Variants in KANK1 observed in about 807,000 individuals in gnomAD.
The protein encoded by KANK1 is KN motif and ankyrin repeat domains 1.
A neutral mutation model predicts 106.2 loss-of-function variants in KANK1; 109 were observed. The ratio of observed to expected loss-of-function variants is 1.03; its 90% CI spans 0.88 to 1.20. KANK1 has a LOEUF of 1.20. KANK1 is among the 50% of genes most tolerant of loss of function. The pLI is 0.00. For synonymous variants in KANK1, 873 were observed against 652.2 expected, an observed-to-expected ratio of 1.34 and a Z score of -5.16; for missense variants, 2,399 against 1,710.7, an observed-to-expected ratio of 1.40 and a Z score of -7.10.
chr9:744,369 G>C, intron 10 of KANK1, 122 bp from the exon 11 acceptor site: 1 of 1,156,182 alleles, frequency 8.6e-7, no homozygotes, highest in Non-Finnish European at 1.2e-6. Context: ...CCAGAAGACC[G>C]AACGAGTAGG....
intron 1 of KANK1, among the ~76,000 whole-genome samples, chr9:556,885 A>G (rs527996258): frequency 6.6e-6 from 1 of 152,310 alleles, no homozygotes. Context: ...CTCAGTAATG[A>G]CATGCAGTAT....
chr9:575,699 C>T (rs1315403911), intron 1 of KANK1, among the ~76,000 whole-genome samples: 1 of 151,194 alleles, frequency 6.6e-6, no homozygotes, highest in East Asian at 2.0e-4. Context: ...AGATAGTGTT[C>T]TAGTTAATAG....
chr9:638,593 C>G (rs911996937), intron 1 of KANK1, among the ~76,000 whole-genome samples: 1 of 152,138 alleles, frequency 6.6e-6, no homozygotes, highest in East Asian at 1.9e-4. Flanking sequence ...CAACCAAAGG[C>G]AAAATATTTG....
At chr9:511,173 T>G (rs1017721039) in intron 1 of KANK1, among the ~76,000 whole-genome samples, 2 of 152,220 alleles carry the variant, frequency 1.3e-5, no homozygotes, top group African/African-American at 4.8e-5. Flanking sequence ...TAGGGGGATT[T>G]GGCCTTGAAA....
chr9:503,446 G>A (rs2058604729), upstream of KANK1, among the ~76,000 whole-genome samples: 6 of 152,186 alleles, frequency 3.9e-5, 1 homozygote, highest in South Asian at 1.2e-3. Flanking sequence ...ACAGTCAGGA[G>A]CCATCAAGTT....
At chr9:667,950 C>T (rs991186139) in intron 1 of KANK1, among the ~76,000 whole-genome samples, 5 of 151,974 alleles carry the variant, frequency 3.3e-5, no homozygotes, top group Non-Finnish European at 5.9e-5. Context: ...AGGCTGGTCC[C>T]GAACTCCTGA....
chr9:522,710 G>A (rs776071856), intron 1 of KANK1, among the ~76,000 whole-genome samples: 2 of 151,622 alleles, frequency 1.3e-5, no homozygotes, highest in Non-Finnish European at 1.5e-5. Context: ...GGTATTTTCT[G>A]ATGAGTGACT....
At chr9:579,411 A>T (rs1228861355) in intron 1 of KANK1, among the ~76,000 whole-genome samples, 1 of 152,124 alleles carries the variant, frequency 6.6e-6, no homozygotes, top group Non-Finnish European at 1.5e-5. Context: ...AAAAATAGAA[A>T]AGCACAGGAA....
intron 1 of KANK1, among the ~76,000 whole-genome samples, chr9:581,432 A>G (rs1446306090): frequency 5.3e-5 from 8 of 152,226 alleles, no homozygotes; most frequent in Admixed American, 2.0e-4. Flanking sequence ...AGTGTCCTTT[A>G]TTCTGAATAC....
In KANK1 at chr9:604,975, C is replaced by CT. The variant is rs940008187; in HGVS notation, c.-83-71914dup. On this transcript the variant is annotated intron_variant, in intron 1 of 11. Coordinates refer to ENST00000382297, the MANE Select transcript of KANK1 (RefSeq NM_015158.5). ...ATGGACTAATGCAATTGGGCAATGT[C>CT]TGACAGTTTGCAAATACCATCTCAT... Among the ~76,000 whole-genome samples, 48 of 151,964 alleles carry CT rather than the reference C, an allele frequency of 3.2e-4. 2 individuals are homozygous for CT. Among genetic ancestry groups the CT allele is most frequent in the African/African-American group, 1.1e-3 (44 of 41,246 alleles).
chr9:624,789 ACT>A lies in KANK1; in HGVS notation c.-83-52098_-83-52097del, dbSNP rs371891450. 5.0e-4 allele frequency among the ~76,000 whole-genome samples: 76 copies of A among 152,134 alleles called. 1 individual carries two copies. The South Asian group carries it at 0.015, about 31-fold the overall frequency. ...ACCCCAGCCTGGGTGACAGAGCGAG[ACT>A]CTGTCTCAAAAAACAAACAAAAACA... On this transcript the variant is annotated intron_variant, in intron 1 of 11. Transcript: ENST00000382297.
At chr9:596,568 A>C (rs1164230188) in intron 1 of KANK1, among the ~76,000 whole-genome samples, 1 of 151,722 alleles carries the variant, frequency 6.6e-6, no homozygotes, top group Non-Finnish European at 1.5e-5. Flanking sequence ...AATAGCTCTT[A>C]GAGTGTTTCA....
At chr9:580,948 G>A (rs1014530010) in intron 1 of KANK1, among the ~76,000 whole-genome samples, 2 of 152,196 alleles carry the variant, frequency 1.3e-5, no homozygotes, top group Non-Finnish European at 2.9e-5. Flanking sequence ...GTGAGAATTG[G>A]AGCGCAGCGC....
At chr9:556,764 A>G (rs1358618324) in intron 1 of KANK1, among the ~76,000 whole-genome samples, 2 of 151,796 alleles carry the variant, frequency 1.3e-5, no homozygotes. Flanking sequence ...TTATTTTTCC[A>G]CTTTCTTGGG....
intron 1 of KANK1, among the ~76,000 whole-genome samples, chr9:613,797 T>A (rs1831141175): frequency 6.6e-6 from 1 of 151,274 alleles, no homozygotes; most frequent in Non-Finnish European, 1.5e-5. Context: ...CTTTCTGTTG[T>A]AAAAAAGACT....
At chr9:484,455 A>AT (rs1442032812) in intron 3 of KANK1, 1 of 152,124 alleles carries the variant, frequency 6.6e-6, no homozygotes, top group African/African-American at 2.4e-5. Flanking sequence ...TTTTGTTGTG[A>AT]TTTTGCCATT....
At chr9:554,847 T>TA (rs2061486564) in intron 1 of KANK1, among the ~76,000 whole-genome samples, 1 of 152,162 alleles carries the variant, frequency 6.6e-6, no homozygotes, top group Non-Finnish European at 1.5e-5. Flanking sequence ...TGTGAAAATT[T>TA]AAAAAACGAG....
intron 1 of KANK1, among the ~76,000 whole-genome samples, chr9:651,074 A>G (rs906869878): frequency 1.3e-5 from 2 of 152,180 alleles, no homozygotes; most frequent in African/African-American, 4.8e-5. Flanking sequence ...ATTTCACAAA[A>G]AGTCCTCATC....
intron 1 of KANK1, among the ~76,000 whole-genome samples, chr9:670,416 G>A (rs547263290): frequency 2.0e-5 from 3 of 152,006 alleles, no homozygotes; most frequent in Admixed American, 6.5e-5. Flanking sequence ...CATTTTTCCC[G>A]CTAGGTCACT....
Sources: gnomAD v4.1 joint callset for allele counts (sites outside exome capture counted in the v4.1 genomes callset) on GRCh38, gnomAD v4.1.1 for gene constraint, MANE v1.5 for transcripts, NCBI Gene and HGNC (gene_info 2026-07-23, HGNC 2026-07-21) for gene names.